Variants in STK32B observed in about 807,000 individuals in gnomAD.
STK32B encodes the protein serine/threonine-protein kinase 32B.
In STK32B, 43 loss-of-function variants were observed where a neutral mutation model predicts 52.6. That is an observed-to-expected ratio of 0.82 (90% CI 0.64 to 1.05). STK32B has a LOEUF of 1.05. Among genes scored for constraint, STK32B ranks in the 50% least tolerant of loss-of-function variants. The probability of loss-of-function intolerance (pLI) is 0.00; values close to 1 mark genes in which losing one functional copy is unlikely to be tolerated. For missense variants in STK32B, 621 were observed against 534.6 expected (o/e 1.16, Z -1.59); for synonymous variants, 238 against 204.3 (o/e 1.17, Z -1.41).
intron 1 of STK32B, among the ~76,000 whole-genome samples, chr4:5,104,350 C>T (rs762001100): frequency 3.3e-5 from 5 of 152,190 alleles, no homozygotes; most frequent in Non-Finnish European, 1.5e-5. Flanking sequence ...GTGAAGCCTC[C>T]CCAGACATGT....
At chr4:5,371,361 A>G (rs769551582) in intron 4 of STK32B, among the ~76,000 whole-genome samples, 19 of 152,180 alleles carry the variant, frequency 1.2e-4, no homozygotes, top group Non-Finnish European at 1.8e-4. Flanking sequence ...GGGTGATCCA[A>G]TATCAAAGGT....
At chr4:5,383,469 C>A (rs1736056277) in intron 4 of STK32B, among the ~76,000 whole-genome samples, 1 of 152,224 alleles carries the variant, frequency 6.6e-6, no homozygotes, top group Non-Finnish European at 1.5e-5. Flanking sequence ...ACAAAATCCT[C>A]CCCTGAACGA....
chr4:5,370,984 A>ATATGTG (rs1553879907), intron 4 of STK32B, among the ~76,000 whole-genome samples: 1 of 145,358 alleles, frequency 6.9e-6, no homozygotes, highest in African/African-American at 2.6e-5. Context: ...ATATATATAT[A>ATATGTG]TGTGTGTGTG....
At position 5,499,662 on chromosome 4, in the gene STK32B, A is replaced by AGAT. The variant is rs1236787967; in HGVS notation, c.*581_*583dup. 1.3e-5 allele frequency: 2 copies of AGAT among 152,094 alleles called. No individual in the cohort carries two copies. Among genetic ancestry groups the AGAT allele is most frequent in the Non-Finnish European group, 2.9e-5 (2 of 68,024 alleles). The allele number at this position is 152,094 out of a possible 1,614,324, so 9.4% of individuals were successfully genotyped here. A position where few individuals can be genotyped will look rare whatever the true frequency, so the allele number is the denominator to read the frequency against. On this transcript the variant is annotated 3_prime_UTR_variant, in exon 12 of 12. Coordinates refer to ENST00000282908, the MANE Select transcript of STK32B (RefSeq NM_018401.3). ...GGCAGGCCACAGTCCTGAGCTTGTA[A>AGAT]GATGGTGCAGCATGCAGACCAGACT... is the stretch of plus-strand genomic sequence containing the variant.
intron 2 of STK32B, among the ~76,000 whole-genome samples, chr4:5,152,870 G>A (rs1717484236): frequency 6.6e-6 from 1 of 152,174 alleles, no homozygotes; most frequent in South Asian, 2.1e-4. Context: ...AACTAACATT[G>A]TTTTCTGCTC....
At chr4:5,096,364 G>A (rs550619071) in intron 1 of STK32B, among the ~76,000 whole-genome samples, 3 of 152,248 alleles carry the variant, frequency 2.0e-5, no homozygotes, top group East Asian at 3.9e-4. Context: ...TGTTGGTAAC[G>A]GTGCAGGAGC....
intron 2 of STK32B, among the ~76,000 whole-genome samples, chr4:5,162,951 T>C (rs182653016): frequency 1.3e-4 from 20 of 152,248 alleles, no homozygotes; most frequent in African/African-American, 4.3e-4. Flanking sequence ...ATGGTTGTCA[T>C]GGGATTTTGA....
chr4:5,277,020 G>A (rs1326919068), intron 3 of STK32B, among the ~76,000 whole-genome samples: 1 of 152,242 alleles, frequency 6.6e-6, no homozygotes, highest in Non-Finnish European at 1.5e-5. Flanking sequence ...ATGGGCACCA[G>A]TTTCTCCAGA....
chr4:5,132,277 G>T (rs1438767224), intron 1 of STK32B, among the ~76,000 whole-genome samples: 2 of 152,050 alleles, frequency 1.3e-5, no homozygotes, highest in Admixed American at 6.6e-5. Flanking sequence ...ATTTCTTTGG[G>T]TATCACTTAT....
intron 2 of STK32B, among the ~76,000 whole-genome samples, chr4:5,152,351 C>A (rs926161841): frequency 1.3e-5 from 2 of 152,136 alleles, no homozygotes; most frequent in African/African-American, 2.4e-5. Flanking sequence ...ATTTTGCAAC[C>A]TGGACACATC....
chr4:5,347,575 A>G (rs1385897292), intron 4 of STK32B, among the ~76,000 whole-genome samples: 1 of 152,146 alleles, frequency 6.6e-6, no homozygotes, highest in Non-Finnish European at 1.5e-5. Flanking sequence ...GACTACATAC[A>G]TTTGGTAATC....
intron 3 of STK32B, among the ~76,000 whole-genome samples, chr4:5,199,958 C>T (rs1722000688): frequency 6.6e-6 from 1 of 152,186 alleles, no homozygotes; most frequent in African/African-American, 2.4e-5. Context: ...TGTCAGTCTT[C>T]TTCCCTCTGG....
intron 1 of STK32B, among the ~76,000 whole-genome samples, chr4:5,131,064 C>A (rs546665921): frequency 1.1e-4 from 16 of 152,166 alleles, no homozygotes; most frequent in Non-Finnish European, 1.9e-4. Context: ...CCTGGGCATG[C>A]CTCTGCTAGG....
intron 3 of STK32B, among the ~76,000 whole-genome samples, chr4:5,191,930 C>T (rs1045850446): frequency 6.6e-6 from 1 of 152,210 alleles, no homozygotes; most frequent in African/African-American, 2.4e-5. Context: ...AGGGGGAATA[C>T]AACAGGGGCA....
chr4:5,473,647 G>C (rs954625713), intron 11 of STK32B, among the ~76,000 whole-genome samples: 1 of 152,170 alleles, frequency 6.6e-6, no homozygotes, highest in African/African-American at 2.4e-5. Flanking sequence ...CACTCTCCCT[G>C]TAGACACCTT....
intron 3 of STK32B, among the ~76,000 whole-genome samples, chr4:5,270,989 G>A (rs1406017145): frequency 6.6e-6 from 1 of 151,716 alleles, no homozygotes; most frequent in East Asian, 2.0e-4. Context: ...CCAGGCTGGA[G>A]TGCAGGGGTG....
intron 5 of STK32B, among the ~76,000 whole-genome samples, chr4:5,411,380 C>T (rs1436432506): frequency 6.6e-6 from 1 of 152,164 alleles, no homozygotes; most frequent in African/African-American, 2.4e-5. Flanking sequence ...TCCATGGGTT[C>T]AGTTCAACCA....
chr4:5,475,676 C>T lies in STK32B; in HGVS notation c.1106+7606C>T, dbSNP rs1414853567. Among the ~76,000 whole-genome samples, 12 of 144,686 alleles carry T rather than the reference C, an allele frequency of 8.3e-5. No individual in the cohort carries two copies. The Admixed American group carries it at 8.4e-4, about 10-fold the overall frequency. The allele number at this position is 144,686 out of a possible 152,430, so 94.9% of individuals were successfully genotyped here. On this transcript the variant is annotated intron_variant, in intron 11 of 11. Coordinates refer to ENST00000282908, the MANE Select transcript of STK32B (RefSeq NM_018401.3). ...TCACGCCACTGCACTCCAGCCTGGGCAACAGAGCAATACTCCGTTCCAAAA... is the reference window on the plus strand; with the variant it reads ...TCACGCCACTGCACTCCAGCCTGGGTAACAGAGCAATACTCCGTTCCAAAA...
chr4:5,433,314 C>G (rs1474108450), intron 6 of STK32B, among the ~76,000 whole-genome samples: 4 of 152,130 alleles, frequency 2.6e-5, no homozygotes, highest in African/African-American at 9.7e-5. Flanking sequence ...AAGACCCTTG[C>G]GGCTGAGACT....
Sources: allele counts gnomAD v4.1 joint callset (sites outside exome capture counted in the v4.1 genomes callset), GRCh38; gene constraint gnomAD v4.1.1; transcripts MANE v1.5; gene names NCBI Gene and HGNC (gene_info 2026-07-23, HGNC 2026-07-21).